PRKN: variants seen among roughly 807,000 people sequenced by gnomAD.
The protein encoded by PRKN is E3 ubiquitin-protein ligase parkin.
In PRKN, 56 loss-of-function variants were observed where a neutral mutation model predicts 59.5. The ratio of observed to expected loss-of-function variants is 0.94; its 90% CI spans 0.76 to 1.18. PRKN has a LOEUF of 1.18. Ranked by LOEUF, PRKN falls within the 50% of genes most tolerant of loss-of-function variation. PRKN has a pLI of 0.00. For missense variants in PRKN, 657 were observed against 596.4 expected, an observed-to-expected ratio of 1.10 and a Z score of -1.06; for synonymous variants, 250 against 222.1, an observed-to-expected ratio of 1.13 and a Z score of -1.12.
intron 2 of PRKN, among the ~76,000 whole-genome samples, chr6:162,431,695 T>C (rs1348257002): frequency 6.6e-6 from 1 of 152,122 alleles, no homozygotes; most frequent in East Asian, 1.9e-4. Context: ...ACAAACAAAA[T>C]ACTAAAAGAA....
intron 1 of PRKN, among the ~76,000 whole-genome samples, chr6:162,574,626 T>C (rs1463315729): frequency 1.3e-5 from 2 of 152,148 alleles, no homozygotes; most frequent in Non-Finnish European, 2.9e-5. Flanking sequence ...CAAAATAGGA[T>C]GGCCGTTTCA....
chr6:162,544,643 T>C, intron 1 of PRKN, among the ~76,000 whole-genome samples: 1 of 151,470 alleles, frequency 6.6e-6, no homozygotes, highest in Non-Finnish European at 1.5e-5. Flanking sequence ...ATCTCACATT[T>C]ATTTTATTTT....
At chr6:162,384,673 A>C (rs1786700272) in intron 2 of PRKN, among the ~76,000 whole-genome samples, 1 of 151,920 alleles carries the variant, frequency 6.6e-6, no homozygotes, top group Non-Finnish European at 1.5e-5. Context: ...CAAAAAAAAA[A>C]AACACTCATT....
chr6:162,616,474 C>A (rs922115729), intron 1 of PRKN, among the ~76,000 whole-genome samples: 1 of 152,132 alleles, frequency 6.6e-6, no homozygotes, highest in East Asian at 1.9e-4. Context: ...AAGAATAAAA[C>A]TTACACTGCC....
intron 9 of PRKN, among the ~76,000 whole-genome samples, chr6:161,486,274 A>T (rs563491693): frequency 1.1e-4 from 17 of 152,164 alleles, no homozygotes; most frequent in African/African-American, 4.1e-4. Context: ...TCATTTTACA[A>T]TTTTGTAATG....
chr6:162,195,552 C>T (rs1463305487), intron 4 of PRKN, among the ~76,000 whole-genome samples: 1 of 152,180 alleles, frequency 6.6e-6, no homozygotes, highest in Non-Finnish European at 1.5e-5. Flanking sequence ...ATCCATCATG[C>T]CAGGCACTTT....
At chr6:161,647,565 C>A (rs1784002320) in intron 7 of PRKN, among the ~76,000 whole-genome samples, 1 of 151,556 alleles carries the variant, frequency 6.6e-6, no homozygotes, top group African/African-American at 2.4e-5. Context: ...GGGTATGGGC[C>A]CATACTCAGA....
chr6:161,507,568 C>G (rs949559473), intron 9 of PRKN, among the ~76,000 whole-genome samples: 4 of 152,134 alleles, frequency 2.6e-5, no homozygotes, highest in Admixed American at 6.5e-5. Flanking sequence ...CTGCTGGGGA[C>G]AGCCAAGCTT....
rs112126288 is a variant in PRKN at position 161,808,060 on chromosome 6, T to G, written c.735-22152A>C. 9.9e-3 allele frequency among the ~76,000 whole-genome samples: 1,514 copies of G among 152,276 alleles called. 21 individuals carry two copies. Among genetic ancestry groups the G allele is most frequent in the South Asian group, 0.04 (192 of 4,826 alleles). On this transcript the variant is annotated intron_variant, in intron 6 of 11. Transcript: ENST00000366898. ...TTTCCAGAGTAATTGACTTAATCTA[T>G]TCATTTCTAAGATACAGAATAAGGT...
At chr6:162,360,341 G>A (rs1785082111) in intron 2 of PRKN, among the ~76,000 whole-genome samples, 1 of 151,940 alleles carries the variant, frequency 6.6e-6, no homozygotes, top group Non-Finnish European at 1.5e-5. Context: ...TCGTTTACTT[G>A]GACAATGCCA....
chr6:161,727,839 C>T (rs1318190498), intron 7 of PRKN, among the ~76,000 whole-genome samples: 3 of 152,114 alleles, frequency 2.0e-5, no homozygotes, highest in Non-Finnish European at 2.9e-5. Flanking sequence ...GTAAGACTGG[C>T]TTATTTATTG....
At chr6:161,874,833 T>C (rs1794628668) in intron 6 of PRKN, among the ~76,000 whole-genome samples, 1 of 108,186 alleles carries the variant, frequency 9.2e-6, no homozygotes, top group Non-Finnish European at 1.7e-5. Flanking sequence ...ATATAAAATG[T>C]ATAATATATA....
At position 161,796,923 on chromosome 6, in the gene PRKN, A is replaced by C. The variant is rs77266449; in HGVS notation, c.735-11015T>G. Among the ~76,000 whole-genome samples the C allele has an allele frequency of 6.8e-3, 1,041 of 152,356 alleles. 11 individuals carry two copies. Among genetic ancestry groups the C allele is most frequent in the African/African-American group, 0.023 (967 of 41,594 alleles). On this transcript the variant is annotated intron_variant, in intron 6 of 11. Transcript: ENST00000366898. ...CTAGAAGCAGATAATGCCCAGATCC[A>C]CTGCAAAAGCATTCTGCTAAATTGA...
At position 161,446,546 on chromosome 6, in the gene PRKN, C is replaced by G. The variant is rs1221403866; in HGVS notation, c.1084-59669G>C. Among the ~76,000 whole-genome samples the G allele has an allele frequency of 6.6e-6, 1 of 152,102 alleles. No homozygotes were observed. The highest frequency in any genetic ancestry group is 2.4e-5 in the African/African-American group (1 of 41,426). ...GAGTAGGATGTTTGTGATGGCTGAG[C>G]GTCATGGAGGAATTCATACCTGTTC... On this transcript the variant is annotated intron_variant, in intron 9 of 11. Coordinates refer to ENST00000366898, the MANE Select transcript of PRKN (RefSeq NM_004562.3). This position sits in a 1 kb window ranked among gnomAD's most constrained non-coding sequence, Gnocchi z 6.2.
At chr6:161,621,951 C>A (rs183776319) in intron 7 of PRKN, among the ~76,000 whole-genome samples, 8 of 152,298 alleles carry the variant, frequency 5.3e-5, no homozygotes, top group Non-Finnish European at 1.0e-4. Flanking sequence ...TCTGATCTCA[C>A]CTTCCGCTTA....
At chr6:161,815,964 GTATC>G (rs1791762954) in intron 6 of PRKN, among the ~76,000 whole-genome samples, 1 of 152,188 alleles carries the variant, frequency 6.6e-6, no homozygotes, top group Non-Finnish European at 1.5e-5. Flanking sequence ...AGGTGAACAT[GTATC>G]TAACAGGAGA....
At chr6:162,177,546 T>A (rs1238187644) in intron 4 of PRKN, among the ~76,000 whole-genome samples, 1 of 152,152 alleles carries the variant, frequency 6.6e-6, no homozygotes, top group Non-Finnish European at 1.5e-5. Flanking sequence ...TTAAAAATAT[T>A]CTATCAAAAT....
At chr6:162,354,296 C>T (rs1359362472) in intron 2 of PRKN, among the ~76,000 whole-genome samples, 1 of 152,104 alleles carries the variant, frequency 6.6e-6, no homozygotes, top group African/African-American at 2.4e-5. Flanking sequence ...TGACCATTTA[C>T]TCACAATTGC....
chr6:161,669,879 T>C (rs1290536581), intron 7 of PRKN, among the ~76,000 whole-genome samples: 1 of 152,192 alleles, frequency 6.6e-6, no homozygotes, highest in Non-Finnish European at 1.5e-5. Context: ...GCAGCAGCAG[T>C]GGGGGTCACG....
Sources: gnomAD v4.1 joint callset for allele counts (sites outside exome capture counted in the v4.1 genomes callset) on GRCh38, gnomAD v4.1.1 for gene constraint, Gnocchi (gnomAD v3.1) non-coding constraint, MANE v1.5 for transcripts, NCBI Gene and HGNC (gene_info 2026-07-23, HGNC 2026-07-21) for gene names.